ATP2C2: variants seen among roughly 807,000 people sequenced by gnomAD.
The protein encoded by ATP2C2 is calcium-transporting ATPase type 2C member 2.
In ATP2C2, 171 loss-of-function variants were observed where a neutral mutation model predicts 110.8. The observed-to-expected ratio is 1.54, with a 90% CI of 1.36 to 1.75. ATP2C2 has a LOEUF of 1.75. Among genes scored for constraint, ATP2C2 ranks in the 40% most tolerant of loss-of-function variants. ATP2C2 has a pLI of 0.00. For synonymous variants in ATP2C2, 804 were observed against 508.4 expected (o/e 1.58, Z -7.82); for missense variants, 1,963 against 1,235.0 (o/e 1.59, Z -8.84).
intron 1 of ATP2C2, among the ~76,000 whole-genome samples, chr16:84,397,236 C>G (rs996511325): frequency 6.6e-6 from 1 of 151,738 alleles, no homozygotes; most frequent in African/African-American, 2.4e-5. Context: ...CCGCAGGTCT[C>G]AACACAGAGT....
In ATP2C2 at chr16:84,452,055, A is replaced by T. The variant is rs759371257; in HGVS notation, c.1795A>T (p.Ile599Leu). Residue 599 changes from isoleucine to leucine, a missense_variant, in exon 18 of 27, where the codon ATA becomes TTA. Coordinates refer to ENST00000262429, the MANE Select transcript of ATP2C2 (RefSeq NM_014861.4). ...LSESGVSVKMITGDALETALA... is the reference protein window; with the variant it reads ...LSESGVSVKMLTGDALETALA... ...CGAGTCTGGTGTGTCTGTGAAGATG[A>T]TAACGGGGGATGCCCTGGAGACGGC... 6.2e-7 allele frequency: 1 copy of T among 1,613,636 alleles called. No homozygotes were observed. Among genetic ancestry groups the T allele is most frequent in the South Asian group, 1.1e-5 (1 of 91,032 alleles).
At chr16:84,412,158 T>C (rs2150528452) in intron 6 of ATP2C2, among the ~76,000 whole-genome samples, 1 of 152,218 alleles carries the variant, frequency 6.6e-6, no homozygotes, top group South Asian at 2.1e-4. Context: ...GGAATACAGG[T>C]GCATGCCATG....
At chr16:84,406,894 C>T (rs1042172679) in intron 3 of ATP2C2, among the ~76,000 whole-genome samples, 7 of 152,172 alleles carry the variant, frequency 4.6e-5, no homozygotes, top group African/African-American at 1.4e-4. Flanking sequence ...CGAAACCCAC[C>T]GTGAACATCT....
At chr16:84,397,655 CAAA>C (rs58934576) in intron 1 of ATP2C2, among the ~76,000 whole-genome samples, 30,166 of 63,682 alleles carry the variant, frequency 0.47, 6,458 homozygotes, top group African/African-American at 0.56. Flanking sequence ...GCCTGGGTGA[CAAA>C]AAAAAAAAAA....
intron 11 of ATP2C2, among the ~76,000 whole-genome samples, chr16:84,438,611 G>A (rs1292215424): frequency 6.6e-6 from 1 of 152,190 alleles, no homozygotes. Flanking sequence ...GGAGGGGTAA[G>A]AAAGAAGTGA....
Position 84,459,207 on chromosome 16 carries a change from T to C in ATP2C2, c.2216+19T>C, listed in dbSNP as rs756707303. 2.5e-6 allele frequency: 4 copies of C among 1,614,052 alleles called. No individual in the cohort carries two copies. The South Asian group carries it at 3.3e-5, about 13-fold the overall frequency. ...TGAGCACGTAAGTAGAGGCCAGCAT[T>C]CCGAGTGTCATTAAGCACCACGCCT... On this transcript the variant is annotated intron_variant, in intron 22 of 26. Transcript: ENST00000262429.
Position 84,463,830 on chromosome 16 carries a change from G to C in ATP2C2, c.*98G>C, listed in dbSNP as rs561299201. 1.4e-5 allele frequency: 15 copies of C among 1,074,688 alleles called. No homozygotes were observed. Among genetic ancestry groups the C allele is most frequent in the Middle Eastern group, 2.4e-4 (1 of 4,246 alleles). 66.6% of individuals were successfully genotyped at this position (1,074,688 alleles called of 1,614,324 possible). ...CGTCAGGGGAGACTTTTAGGAGGCC[G>C]CAGCCTTCCATCACCGGATCAGTTT... On this transcript the variant is annotated 3_prime_UTR_variant, in exon 27 of 27. Coordinates refer to ENST00000262429, the MANE Select transcript of ATP2C2 (RefSeq NM_014861.4).
rs192737287 is a variant in ATP2C2, at chr16:84,435,118, C to G, written c.987-4048C>G. 2.0e-5 allele frequency among the ~76,000 whole-genome samples: 3 copies of G among 152,216 alleles called. No individual in the cohort carries two copies. The South Asian group carries it at 6.2e-4, about 32-fold the overall frequency. ...ACCATTCACAACCATTCTATTCAAA[C>G]TGCCTGTTTTGTAATTGGAATTTGT... On this transcript the variant is annotated intron_variant, in intron 11 of 26. Coordinates refer to ENST00000262429, the MANE Select transcript of ATP2C2 (RefSeq NM_014861.4).
At chr16:84,429,733 G>C (rs572459797) in intron 11 of ATP2C2, among the ~76,000 whole-genome samples, 169 of 152,270 alleles carry the variant, frequency 1.1e-3, no homozygotes, top group African/African-American at 4.0e-3. Context: ...TGGAGGAGCT[G>C]TGGCTGATGT....
chr16:84,407,016 G>A lies in ATP2C2; in HGVS notation c.328-1389G>A, dbSNP rs534503024. Among the ~76,000 whole-genome samples, 4 of 152,316 alleles carry A rather than the reference G, an allele frequency of 2.6e-5. 1 individual carries two copies. In the South Asian group the frequency reaches 8.3e-4, roughly 32 times the overall value. ...TGCTCATTCATCTTATAGCTTGTCG[G>A]TTCAGCAATGCATCTGTGGGAATCC... On this transcript the variant is annotated intron_variant, in intron 3 of 26. Transcript: ENST00000262429.
At chr16:84,401,220 A>AT (rs1905297166) in intron 2 of ATP2C2, among the ~76,000 whole-genome samples, 1 of 70,192 alleles carries the variant, frequency 1.4e-5, no homozygotes, top group African/African-American at 4.6e-5. Context: ...GAAGTCTTTA[A>AT]TCTTTTTTTT....
chr16:84,436,005 T>C (rs988577335), intron 11 of ATP2C2, among the ~76,000 whole-genome samples: 96 of 152,102 alleles, frequency 6.3e-4, no homozygotes, highest in African/African-American at 2.2e-3. Context: ...GGCACATGCC[T>C]GTAATTCCAG....
intron 7 of ATP2C2, among the ~76,000 whole-genome samples, chr16:84,416,467 C>T (rs569055317): frequency 6.6e-6 from 1 of 152,236 alleles, no homozygotes; most frequent in African/African-American, 2.4e-5. Context: ...ATCAAGGACC[C>T]GCTATTAAGA....
At chr16:84,456,666 A>G (rs1393459145) in intron 21 of ATP2C2, among the ~76,000 whole-genome samples, 2 of 62,198 alleles carry the variant, frequency 3.2e-5, no homozygotes, top group Admixed American at 2.0e-4. Flanking sequence ...AAATCAATGT[A>G]CAAAAATCAC....
At chr16:84,409,727 T>C (rs1906103349) in intron 4 of ATP2C2, among the ~76,000 whole-genome samples, 1 of 152,128 alleles carries the variant, frequency 6.6e-6, no homozygotes, top group Non-Finnish European at 1.5e-5. Flanking sequence ...GATGTCGACC[T>C]CTTGACCTCA....
Position 84,413,438 on chromosome 16 carries a change from G to T in ATP2C2, c.516-2045G>T, listed in dbSNP as rs77834802. 2.2e-4 allele frequency among the ~76,000 whole-genome samples: 34 copies of T among 152,312 alleles called. No individual in the cohort carries two copies. The East Asian group carries it at 6.0e-3, about 27-fold the overall frequency. ...AGAATTGACCCACATCACAGAGGGTGAGTCAATTGTAGAAGGGCCGCGGGA... is the reference window on the plus strand; with the variant it reads ...AGAATTGACCCACATCACAGAGGGTTAGTCAATTGTAGAAGGGCCGCGGGA... On this transcript the variant is annotated intron_variant, in intron 6 of 26. Transcript: ENST00000262429.
intron 1 of ATP2C2, among the ~76,000 whole-genome samples, chr16:84,397,662 A>AAAAAAAACAAAAAAAAAAC (rs1905075460): frequency 6.8e-6 from 1 of 146,720 alleles, no homozygotes; most frequent in African/African-American, 2.5e-5. Context: ...TGACAAAAAA[A>AAAAAAAACAAAAAAAAAAC]AAAAAAAAAA....
At chr16:84,402,036 G>T (rs956983117) in intron 2 of ATP2C2, among the ~76,000 whole-genome samples, 4 of 152,080 alleles carry the variant, frequency 2.6e-5, no homozygotes, top group African/African-American at 9.7e-5. Flanking sequence ...TCATTGTAGA[G>T]ATCTTTTACT....
chr16:84,458,627 G>A (rs1205429250), intron 21 of ATP2C2, among the ~76,000 whole-genome samples: 1 of 152,214 alleles, frequency 6.6e-6, no homozygotes, highest in Admixed American at 6.5e-5. Context: ...GTGACCCCAG[G>A]TCAAGGTTTA....
Sources: allele counts gnomAD v4.1 joint callset (sites outside exome capture counted in the v4.1 genomes callset), GRCh38; gene constraint gnomAD v4.1.1; transcripts MANE v1.5; gene names NCBI Gene and HGNC (gene_info 2026-07-23, HGNC 2026-07-21).